ZNF529: variants seen among roughly 807,000 people sequenced by gnomAD.
ZNF529 encodes zinc finger protein 529.
ZNF529 carries 11 observed loss-of-function variants against 10.1 expected under a neutral mutation model. The observed-to-expected ratio is 1.09, with a 90% CI of 0.69 to 1.81. ZNF529 has a LOEUF of 1.81. ZNF529 is among the 40% of genes most tolerant of loss of function. ZNF529 has a pLI of 0.00. For synonymous variants in ZNF529, 204 were observed against 215.7 expected, an observed-to-expected ratio of 0.95 and a Z score of 0.47; for missense variants, 624 against 666.8, an observed-to-expected ratio of 0.94 and a Z score of 0.71.
At chr19:36,572,253 G>A in intron 2 of ZNF529, 80 bp downstream of exon 2, 1 of 1,462,786 alleles carries the variant, frequency 6.8e-7, no homozygotes, top group Non-Finnish European at 9.4e-7. Context: ...GAGGACAAGG[G>A]GACCCATCTC....
intron 2 of ZNF529, among the ~76,000 whole-genome samples, chr19:36,584,738 C>T (rs527666095): frequency 6.6e-6 from 1 of 151,046 alleles, no homozygotes; most frequent in South Asian, 2.1e-4. Flanking sequence ...CTGCACTCCA[C>T]CCTGGGTAAC....
intron 2 of ZNF529, among the ~76,000 whole-genome samples, chr19:36,589,371 T>C (rs144325916): frequency 6.6e-6 from 1 of 152,270 alleles, no homozygotes; most frequent in African/African-American, 2.4e-5. Context: ...AATTGGAGGA[T>C]ACGCAGTTAG....
chr19:36,571,582 GGA>G (rs1444457345), intron 2 of ZNF529, among the ~76,000 whole-genome samples: 2 of 151,710 alleles, frequency 1.3e-5, no homozygotes, highest in African/African-American at 4.8e-5. Context: ...GGCTGAGGCA[GGA>G]GACTCACTTG....
intron 2 of ZNF529, among the ~76,000 whole-genome samples, chr19:36,562,632 G>T (rs997033972): frequency 6.6e-6 from 1 of 151,634 alleles, no homozygotes; most frequent in African/African-American, 2.4e-5. Context: ...TCAGGAAATC[G>T]AGACCATCCT....
intron 1 of ZNF529, among the ~76,000 whole-genome samples, chr19:36,594,884 C>CTTTTTTT (rs11408279): frequency 6.9e-6 from 1 of 145,112 alleles, no homozygotes; most frequent in Non-Finnish European, 1.5e-5. Context: ...TTTCTTTTTT[C>CTTTTTTT]TTTTTTTTTT....
Position 36,547,105 on chromosome 19 carries a change from T to C in ZNF529, c.1453A>G (p.Lys485Glu). 1 of 1,614,016 alleles carries C rather than the reference T, an allele frequency of 6.2e-7. No homozygotes were observed. Among genetic ancestry groups the C allele is most frequent in the Non-Finnish European group, 8.5e-7 (1 of 1,179,964 alleles). The change falls in exon 5 of 5, where the codon AAG (lysine) becomes GAG (glutamate). Residue 485 changes from lysine to glutamate, a missense_variant. Transcript: ENST00000591340. ...AGGGCTGAACTATGTCTAAAGGCCT[T>C]CCCACATACCTTACATTCATAAGGT... Reference protein sequence around the residue: ...EKPYECKVCGKAFRHSSALTE... With the variant: ...EKPYECKVCGEAFRHSSALTE...
intron 2 of ZNF529, among the ~76,000 whole-genome samples, chr19:36,585,969 A>AT (rs1286175378): frequency 6.6e-6 from 1 of 152,170 alleles, no homozygotes; most frequent in Admixed American, 6.5e-5. Flanking sequence ...TGCCACATTG[A>AT]TTTTTTAAGG....
Position 36,547,484 on chromosome 19 carries a change from T to G in ZNF529, c.1074A>C (p.Arg358Ser). ...CATAAGGTTTCTCACCAGTGTGAATTCTCTGATGTTCAATGAGCTGTGAAC... is the reference window on the plus strand; with the variant it reads ...CATAAGGTTTCTCACCAGTGTGAATGCTCTGATGTTCAATGAGCTGTGAAC... Reference protein sequence around the residue: ...RISSQLIEHQRIHTGEKPYAC... With the variant: ...RISSQLIEHQSIHTGEKPYAC... The change falls in exon 5 of 5, where the codon AGA becomes AGC. Residue 358 changes from arginine to serine, a missense_variant. Physicochemically the swap from Arg to Ser is moderately radical, Grantham distance 110 (BLOSUM62 -1). Coordinates refer to ENST00000591340, the MANE Select transcript of ZNF529 (RefSeq NM_020951.5). The G allele has an allele frequency of 6.2e-7, 1 of 1,613,434 alleles. No homozygotes were observed. Among genetic ancestry groups the G allele is most frequent in the Non-Finnish European group, 8.5e-7 (1 of 1,179,422 alleles).
chr19:36,577,258 C>G (rs1461964093), upstream of ZNF529: 1 of 424,756 alleles, frequency 2.4e-6, no homozygotes, highest in African/African-American at 2.1e-5. Context: ...CCGTGCCCGG[C>G]CCTACTTTCT....
intron 2 of ZNF529, among the ~76,000 whole-genome samples, chr19:36,562,465 G>A (rs762209055): frequency 6.8e-4 from 103 of 151,760 alleles, no homozygotes; most frequent in Non-Finnish European, 1.1e-3. Context: ...AGAAAGACAT[G>A]AATATAGGGG....
chr19:36,597,111 A>T (rs569930085), intron 1 of ZNF529, among the ~76,000 whole-genome samples: 1 of 152,170 alleles, frequency 6.6e-6, no homozygotes, highest in South Asian at 2.1e-4. Flanking sequence ...GGCTCAGGCA[A>T]TGCTCCCATC....
At chr19:36,575,879 C>T (rs111230588), upstream of ZNF529, among the ~76,000 whole-genome samples, 17 of 151,776 alleles carry the variant, frequency 1.1e-4, no homozygotes, top group African/African-American at 4.1e-4. Flanking sequence ...GATGGAGTCT[C>T]GCTCTGTCAC....
chr19:36,581,406 T>C (rs2036459836), intron 2 of ZNF529: 1 of 152,130 alleles, frequency 6.6e-6, no homozygotes, highest in Non-Finnish European at 1.5e-5. Context: ...TGTTAAGTAC[T>C]TAAATAAAAA....
At chr19:36,601,633 C>T (rs2967459) in intron 1 of ZNF529, among the ~76,000 whole-genome samples, 103,364 of 151,894 alleles carry the variant, frequency 0.68, 35,446 homozygotes, top group African/African-American at 0.75. Context: ...TATCAGCCAC[C>T]GTTTTGTTAC....
intron 1 of ZNF529, among the ~76,000 whole-genome samples, chr19:36,604,618 C>T (rs1428784575): frequency 6.6e-6 from 1 of 152,004 alleles, no homozygotes; most frequent in Non-Finnish European, 1.5e-5. Flanking sequence ...AGACACAGAT[C>T]GAGCCATACG....
intron 2 of ZNF529, among the ~76,000 whole-genome samples, chr19:36,568,085 T>C (rs1363918528): frequency 1.3e-5 from 2 of 152,012 alleles, no homozygotes; most frequent in Non-Finnish European, 2.9e-5. Context: ...CATTAGACAA[T>C]AGGAAAATAA....
At chr19:36,596,412 A>C (rs1478599547) in intron 1 of ZNF529, among the ~76,000 whole-genome samples, 1 of 150,848 alleles carries the variant, frequency 6.6e-6, no homozygotes, top group African/African-American at 2.4e-5. Flanking sequence ...CCTCCATGTT[A>C]TCTCTCATAA....
At chr19:36,572,513 C>T in intron 1 of ZNF529, 121 bp from the exon 2 acceptor site, 1 of 738,698 alleles carries the variant, frequency 1.4e-6, no homozygotes, top group South Asian at 1.9e-5. Flanking sequence ...AAGAGGGAAA[C>T]TAGAATACTG....
intron 2 of ZNF529, among the ~76,000 whole-genome samples, chr19:36,583,508 C>G (rs1158083459): frequency 3.3e-5 from 5 of 151,072 alleles, no homozygotes; most frequent in Non-Finnish European, 7.4e-5. Context: ...AAAACAAAAA[C>G]AAAAACAAAG....
Sources: allele counts gnomAD v4.1 joint callset (sites outside exome capture counted in the v4.1 genomes callset), GRCh38; gene constraint gnomAD v4.1.1; transcripts MANE v1.5; gene names NCBI Gene and HGNC (gene_info 2026-07-23, HGNC 2026-07-21).